The following SORCS1 variants were observed in gnomAD, a reference collection of about 807,000 sequenced individuals.
The protein encoded by SORCS1 is sortilin related VPS10 domain containing receptor 1.
Under a neutral mutation model 146.1 loss-of-function variants are expected in SORCS1, and 60 were observed. That is an observed-to-expected ratio of 0.41 (90% CI 0.33 to 0.51). SORCS1 has a LOEUF of 0.51. Among genes scored for constraint, SORCS1 ranks in the 20% least tolerant of loss-of-function variants. The pLI, the probability that SORCS1 is intolerant of heterozygous loss-of-function variation, is 0.21. For synonymous variants in SORCS1, 637 were observed against 584.0 expected (o/e 1.09, Z -1.31); for missense variants, 1,352 against 1,487.6 (o/e 0.91, Z 1.50).
At chr10:107,037,165 G>T (rs1267690500) in intron 1 of SORCS1, among the ~76,000 whole-genome samples, 2 of 152,194 alleles carry the variant, frequency 1.3e-5, no homozygotes, top group Non-Finnish European at 2.9e-5. Context: ...AGAATTGCTT[G>T]AACCTGGGAG....
At chr10:106,638,645 C>T (rs1403760709) in intron 18 of SORCS1, among the ~76,000 whole-genome samples, 1 of 152,122 alleles carries the variant, frequency 6.6e-6, no homozygotes, top group African/African-American at 2.4e-5. Flanking sequence ...ACTTGGTGGT[C>T]TTCACCAAGT....
intron 5 of SORCS1, among the ~76,000 whole-genome samples, chr10:106,745,304 C>T (rs1470380186): frequency 6.6e-6 from 1 of 151,466 alleles, no homozygotes. Context: ...CCCAGCTACT[C>T]GGGAGGCTGA....
intron 1 of SORCS1, among the ~76,000 whole-genome samples, chr10:106,972,566 T>C (rs1176997093): frequency 1.3e-5 from 2 of 150,334 alleles, no homozygotes; most frequent in Non-Finnish European, 2.9e-5. Context: ...TTGAGTGACT[T>C]GCCCAAGATC....
At chr10:106,596,562 G>GAGAT (rs1845918003) in intron 24 of SORCS1, among the ~76,000 whole-genome samples, 1 of 152,176 alleles carries the variant, frequency 6.6e-6, no homozygotes, top group Non-Finnish European at 1.5e-5. Flanking sequence ...CTCAGTTGAA[G>GAGAT]AGATGGAAGC....
chr10:106,613,363 G>A (rs1044101990), intron 21 of SORCS1, among the ~76,000 whole-genome samples: 2 of 152,196 alleles, frequency 1.3e-5, no homozygotes, highest in Non-Finnish European at 2.9e-5. Context: ...TCAAAGAGAG[G>A]AAGAAAGAGT....
At chr10:106,727,259 ACAACTGGT>A (rs1856268534) in intron 6 of SORCS1, among the ~76,000 whole-genome samples, 1 of 152,206 alleles carries the variant, frequency 6.6e-6, no homozygotes, top group Non-Finnish European at 1.5e-5. Context: ...GGTAGCCCTG[ACAACTGGT>A]CAGCCGGGTA....
chr10:106,657,682 TG>T (rs1850407341), intron 17 of SORCS1, among the ~76,000 whole-genome samples: 1 of 149,308 alleles, frequency 6.7e-6, no homozygotes, highest in Admixed American at 6.7e-5. Flanking sequence ...TGTGTGTGTG[TG>T]TGTGTGTATT....
At chr10:107,066,916 T>C (rs888117434) in intron 1 of SORCS1, among the ~76,000 whole-genome samples, 4 of 152,310 alleles carry the variant, frequency 2.6e-5, no homozygotes, top group South Asian at 2.1e-4. Flanking sequence ...CCAACCCTAA[T>C]ACTAGAGGTG....
At position 106,862,904 on chromosome 10, in the gene SORCS1, G is replaced by C. The variant is rs137909161; in HGVS notation, c.627-33231C>G. ...GACCAAAGTCATGAAAAGAATCCAG[G>C]TTTTCTGATTCTCATGGTAAGATAT... On this transcript the variant is annotated intron_variant, in intron 2 of 25. Transcript: ENST00000263054. Among the ~76,000 whole-genome samples the C allele has an allele frequency of 1.8e-4, 27 of 151,506 alleles. 1 individual carries two copies. The highest frequency in any genetic ancestry group is 6.3e-4 in the African/African-American group (26 of 41,222).
At chr10:106,987,503 A>G (rs571633392) in intron 1 of SORCS1, among the ~76,000 whole-genome samples, 2 of 152,328 alleles carry the variant, frequency 1.3e-5, no homozygotes, top group Non-Finnish European at 1.5e-5. Context: ...TGGAAGCCCC[A>G]CGTTCTACCC....
At chr10:106,619,078 C>T (rs1847567703) in intron 20 of SORCS1, among the ~76,000 whole-genome samples, 1 of 151,992 alleles carries the variant, frequency 6.6e-6, no homozygotes. Context: ...GACTAACGCC[C>T]AGCATGAGAA....
intron 1 of SORCS1, among the ~76,000 whole-genome samples, chr10:107,073,701 G>T (rs1282460413): frequency 6.6e-6 from 1 of 152,152 alleles, no homozygotes; most frequent in African/African-American, 2.4e-5. Context: ...GGCAGAATTT[G>T]ATTCCAAGTA....
intron 17 of SORCS1, among the ~76,000 whole-genome samples, chr10:106,662,683 G>A (rs1438447937): frequency 6.6e-6 from 1 of 152,082 alleles, no homozygotes; most frequent in Admixed American, 6.5e-5. Flanking sequence ...TTGGCATCTG[G>A]GCTTGTCCTT....
intron 2 of SORCS1, among the ~76,000 whole-genome samples, chr10:106,919,633 T>A (rs1952608736): frequency 6.6e-6 from 1 of 152,234 alleles, no homozygotes; most frequent in Non-Finnish European, 1.5e-5. Context: ...GTTCAGGAGA[T>A]GCCTAACGGT....
intron 1 of SORCS1, among the ~76,000 whole-genome samples, chr10:107,157,155 G>T (rs1206927438): frequency 6.6e-6 from 1 of 152,104 alleles, no homozygotes; most frequent in Non-Finnish European, 1.5e-5. Context: ...AAACTACAAG[G>T]CTAGGGTGCA....
intron 1 of SORCS1, among the ~76,000 whole-genome samples, chr10:106,991,318 G>A (rs1956763148): frequency 6.6e-6 from 1 of 152,188 alleles, no homozygotes; most frequent in Admixed American, 6.5e-5. Context: ...ACAGTGACAT[G>A]TTTGACAAGC....
intron 2 of SORCS1, among the ~76,000 whole-genome samples, chr10:106,911,795 G>A (rs186875644): frequency 6.6e-6 from 1 of 152,060 alleles, no homozygotes; most frequent in African/African-American, 2.4e-5. Context: ...GGAAGCGGGG[G>A]ACTCAGGCAT....
chr10:106,981,008 G>C (rs982842004), intron 1 of SORCS1, among the ~76,000 whole-genome samples: 3 of 151,918 alleles, frequency 2.0e-5, no homozygotes, highest in Non-Finnish European at 4.4e-5. Context: ...AAAAACAACT[G>C]GGTGACACAA....
chr10:106,939,674 T>C (rs554325862), intron 2 of SORCS1, among the ~76,000 whole-genome samples: 3 of 152,234 alleles, frequency 2.0e-5, no homozygotes, highest in Admixed American at 2.0e-4. Context: ...GAGAAAGAAA[T>C]AAAGCTGTGC....
Sources: allele counts gnomAD v4.1 joint callset (sites outside exome capture counted in the v4.1 genomes callset), GRCh38; gene constraint gnomAD v4.1.1; transcripts MANE v1.5; gene names NCBI Gene and HGNC (gene_info 2026-07-23, HGNC 2026-07-21).